Variants in FAM107B observed in about 807,000 individuals in gnomAD.
The protein encoded by FAM107B is family with sequence similarity 107 member B.
FAM107B carries 21 observed loss-of-function variants against 31.5 expected under a neutral mutation model. That is an observed-to-expected ratio of 0.67 (90% CI 0.47 to 0.96). FAM107B has a LOEUF of 0.96. FAM107B is among the 40% of genes least tolerant of loss of function. The probability of loss-of-function intolerance (pLI) is 0.00; values close to 1 mark genes in which losing one functional copy is unlikely to be tolerated. For missense variants in FAM107B, 452 were observed against 377.1 expected, an observed-to-expected ratio of 1.20 and a Z score of -1.64; for synonymous variants, 157 against 141.5, an observed-to-expected ratio of 1.11 and a Z score of -0.78.
At chr10:14,549,017 G>C (rs1048316779) in intron 2 of FAM107B, among the ~76,000 whole-genome samples, 4 of 152,118 alleles carry the variant, frequency 2.6e-5, no homozygotes, top group Non-Finnish European at 5.9e-5. Flanking sequence ...AGAGACCAGA[G>C]CTCCTTCTTT....
At chr10:14,600,997 C>T (rs2131370915) in intron 2 of FAM107B, among the ~76,000 whole-genome samples, 2 of 152,062 alleles carry the variant, frequency 1.3e-5, no homozygotes, top group Admixed American at 1.3e-4. Context: ...ACACTCCTGG[C>T]CTCAAGCAGT....
intron 2 of FAM107B, among the ~76,000 whole-genome samples, chr10:14,653,388 G>A (rs12765591): frequency 0.096 from 14,656 of 152,242 alleles, 862 homozygotes; most frequent in South Asian, 0.17. Context: ...ACAGCCAGGC[G>A]GGCAAATGCT....
chr10:14,570,557 T>C (rs1292847561), intron 2 of FAM107B, among the ~76,000 whole-genome samples: 1 of 152,180 alleles, frequency 6.6e-6, no homozygotes, highest in Non-Finnish European at 1.5e-5. Context: ...ATCCCAGCAC[T>C]TTGGGAGGCT....
chr10:14,562,784 C>T (rs80309617), intron 2 of FAM107B, among the ~76,000 whole-genome samples: 2,892 of 152,336 alleles, frequency 0.019, 97 homozygotes, highest in African/African-American at 0.066. Flanking sequence ...ACACTCACAC[C>T]ACTGGCAAAC....
intron 1 of FAM107B, among the ~76,000 whole-genome samples, chr10:14,755,802 G>A (rs2131586047): frequency 6.6e-6 from 1 of 152,242 alleles, no homozygotes; most frequent in South Asian, 2.1e-4. Flanking sequence ...AGAGACAAAT[G>A]TGACATCATT....
intron 1 of FAM107B, 83 bp from the exon 2 acceptor site, chr10:14,667,774 A>G (rs1854443742): frequency 1.1e-5 from 16 of 1,413,650 alleles, no homozygotes; most frequent in Non-Finnish European, 1.5e-5. Flanking sequence ...TTGCAAGCCT[A>G]CTAATTAATA....
At chr10:14,630,655 C>T (rs1005138359) in intron 2 of FAM107B, among the ~76,000 whole-genome samples, 1 of 151,810 alleles carries the variant, frequency 6.6e-6, no homozygotes, top group Admixed American at 6.6e-5. Context: ...AATAAAAATA[C>T]CCCTCTAAAA....
At chr10:14,763,796 G>A (rs1224113353) in intron 1 of FAM107B, among the ~76,000 whole-genome samples, 2 of 152,210 alleles carry the variant, frequency 1.3e-5, no homozygotes, top group East Asian at 1.9e-4. Context: ...AAAGGAAAAC[G>A]ATTTCCAGAT....
intron 1 of FAM107B, among the ~76,000 whole-genome samples, chr10:14,716,530 C>T (rs1013534922): frequency 3.9e-5 from 6 of 152,244 alleles, no homozygotes; most frequent in Non-Finnish European, 8.8e-5. Context: ...CACACTGATA[C>T]TTCCATCACA....
intron 1 of FAM107B, among the ~76,000 whole-genome samples, chr10:14,762,623 G>A (rs957573766): frequency 2.0e-5 from 3 of 151,866 alleles, no homozygotes; most frequent in Admixed American, 2.0e-4. Flanking sequence ...GGGCATGGTT[G>A]CACACACCTG....
intron 1 of FAM107B, among the ~76,000 whole-genome samples, chr10:14,716,972 C>T (rs997323739): frequency 6.6e-6 from 1 of 152,048 alleles, no homozygotes; most frequent in African/African-American, 2.4e-5. Context: ...CACCTGTAAT[C>T]CCAGCTACTC....
intron 2 of FAM107B, among the ~76,000 whole-genome samples, chr10:14,648,640 TC>T (rs1853826305): frequency 1.3e-5 from 2 of 152,286 alleles, no homozygotes; most frequent in Non-Finnish European, 2.9e-5. Flanking sequence ...ACAGGCACCT[TC>T]TGCCTGACCC....
chr10:14,658,405 G>A (rs934676522), intron 2 of FAM107B, among the ~76,000 whole-genome samples: 2 of 150,916 alleles, frequency 1.3e-5, no homozygotes, highest in African/African-American at 5.0e-5. Context: ...CAAGACCCAT[G>A]TCTGACCCAT....
rs1397179383 is a variant in FAM107B at position 14,554,195 on chromosome 10, C to T, written c.470-23680G>A. 4.1e-6 allele frequency: 4 copies of T among 978,726 alleles called. No homozygotes were observed. In the African/African-American group the frequency reaches 5.3e-5, roughly 13 times the overall value. 60.6% of individuals were successfully genotyped at this position (978,726 alleles called of 1,614,324 possible). A position where few individuals can be genotyped will look rare whatever the true frequency, so the allele number is the denominator to read the frequency against. ...TATCTCCTTTTCCTCTACCCTCCCA[C>T]TGCCTTACTCCACAAACACACCTCC... is the stretch of plus-strand genomic sequence containing the variant. On this transcript the variant is annotated intron_variant, in intron 2 of 4. Coordinates refer to ENST00000181796, the MANE Select transcript of FAM107B (RefSeq NM_031453.4).
At chr10:14,699,962 C>T (rs1427162878) in intron 1 of FAM107B, among the ~76,000 whole-genome samples, 2 of 151,920 alleles carry the variant, frequency 1.3e-5, no homozygotes, top group African/African-American at 4.8e-5. Context: ...AGATGGACTC[C>T]CGCTCTGTTG....
intron 1 of FAM107B, among the ~76,000 whole-genome samples, chr10:14,729,026 T>C (rs527692696): frequency 2.6e-5 from 4 of 152,296 alleles, no homozygotes; most frequent in Non-Finnish European, 5.9e-5. Flanking sequence ...GGGGTCTTGC[T>C]CTTTGGCCCT....
intron 2 of FAM107B, among the ~76,000 whole-genome samples, chr10:14,585,169 G>A (rs992983852): frequency 6.6e-6 from 1 of 152,168 alleles, no homozygotes; most frequent in Admixed American, 6.5e-5. Flanking sequence ...CCTGTAGAGT[G>A]TACTTTTGTT....
intron 1 of FAM107B, among the ~76,000 whole-genome samples, chr10:14,673,382 G>A (rs996754222): frequency 2.6e-5 from 4 of 152,144 alleles, no homozygotes; most frequent in African/African-American, 9.7e-5. Context: ...GTCAGAACAT[G>A]TGGTATCTGT....
At position 14,695,557 on chromosome 10, in the gene FAM107B, G is replaced by A. The variant is rs534639562; in HGVS notation, c.412-27866C>T. Among the ~76,000 whole-genome samples the A allele has an allele frequency of 3.9e-5, 6 of 152,272 alleles. No homozygotes were observed. In the South Asian group the frequency reaches 1.2e-3, roughly 32 times the overall value. On this transcript the variant is annotated intron_variant, in intron 1 of 4. Transcript: ENST00000181796. ...CTGGGATTTTGATAGGGATTGCACT[G>A]AATCTGTATGTTCCTTTGGGTAGTA... is the stretch of plus-strand genomic sequence containing the variant.
Sources: allele counts gnomAD v4.1 joint callset (sites outside exome capture counted in the v4.1 genomes callset), GRCh38; gene constraint gnomAD v4.1.1; transcripts MANE v1.5; gene names NCBI Gene and HGNC (gene_info 2026-07-23, HGNC 2026-07-21).